The following TAF2 variants were observed in gnomAD, a reference collection of about 807,000 sequenced individuals.
TAF2 encodes TATA-box binding protein associated factor 2, also known as transcription initiation factor TFIID subunit 2.
In TAF2, 61 loss-of-function variants were observed where a neutral mutation model predicts 138.5. The ratio of observed to expected loss-of-function variants is 0.44; its 90% CI spans 0.36 to 0.54. The LOEUF (loss-of-function observed/expected upper bound fraction) is 0.54, where lower values mean the gene tolerates loss of function less well. Among genes scored for constraint, TAF2 ranks in the 20% least tolerant of loss-of-function variants. The pLI is 0.00. For missense variants in TAF2, 1,090 were observed against 1,427.9 expected (o/e 0.76, Z 3.81); for synonymous variants, 475 against 469.9 (o/e 1.01, Z -0.14).
chr8:119,733,451 A>G lies in TAF2; in HGVS notation c.3338-1265T>C, dbSNP rs1587631688. The stretch of plus-strand genomic sequence containing the variant: ...TAGGTTGTCCTGTTAGCCTTTAGCT[A>G]TACTTCATCTCTCTGGGTCTAGTTC... On this transcript the variant is annotated intron_variant, in intron 25 of 25. Transcript: ENST00000378164. Among the ~76,000 whole-genome samples, 3 of 152,296 alleles carry G rather than the reference A, an allele frequency of 2.0e-5. No homozygotes were observed. In the East Asian group the frequency reaches 5.8e-4, roughly 29 times the overall value.
chr8:119,768,943 T>C (rs1056722496), intron 18 of TAF2, among the ~76,000 whole-genome samples: 2 of 152,128 alleles, frequency 1.3e-5, no homozygotes, highest in African/African-American at 2.4e-5. Context: ...TGCATCTGCA[T>C]GGAGAGTTAT....
At chr8:119,770,151 A>AC (rs1171842080) in intron 18 of TAF2, among the ~76,000 whole-genome samples, 1 of 149,122 alleles carries the variant, frequency 6.7e-6, no homozygotes, top group Non-Finnish European at 1.5e-5. Context: ...CCTGGGGCAG[A>AC]AAAAAAAAAG....
chr8:119,747,233 T>C (rs546608486), intron 22 of TAF2, among the ~76,000 whole-genome samples: 53 of 152,348 alleles, frequency 3.5e-4, no homozygotes, highest in African/African-American at 1.2e-3. Context: ...ACAGCCTCCA[T>C]GAGCCTTTGC....
At chr8:119,813,235 G>C (rs1563917083) in intron 3 of TAF2, among the ~76,000 whole-genome samples, 2 of 152,110 alleles carry the variant, frequency 1.3e-5, no homozygotes, top group Admixed American at 1.3e-4. Flanking sequence ...TTGACTATTT[G>C]TATATCTTCT....
chr8:119,755,390 G>A (rs1310425161), intron 22 of TAF2, among the ~76,000 whole-genome samples: 3 of 152,032 alleles, frequency 2.0e-5, no homozygotes, highest in Non-Finnish European at 4.4e-5. Context: ...CCAGCTACTC[G>A]GGAGGGTAAG....
chr8:119,821,331 G>C (rs866656673), intron 2 of TAF2, among the ~76,000 whole-genome samples: 5 of 152,252 alleles, frequency 3.3e-5, no homozygotes, highest in Middle Eastern at 3.4e-3. Flanking sequence ...CCACTTCACA[G>C]ATAACCATTC....
Position 119,746,723 on chromosome 8 carries a change from T to A in TAF2, c.3090A>T (p.Leu1030=), listed in dbSNP as rs750942648. 1 of 1,614,040 alleles carries A rather than the reference T, an allele frequency of 6.2e-7. No individual in the cohort carries two copies. The highest frequency in any genetic ancestry group is 1.7e-5 in the Admixed American group (1 of 60,004). The change falls in exon 23 of 26, where the codon CTA becomes CTT. Residue 1030 remains leucine, a synonymous_variant. Coordinates refer to ENST00000378164, the MANE Select transcript of TAF2 (RefSeq NM_003184.4). ...TTCTTACAGGGTTCTGAAATCCAAC[T>A]AGCTGTGGGTGACTGCTTGGATTAT... ...AANNPSSHPQ[L]VGFQNPFSSS...
At chr8:119,757,964 A>G in intron 21 of TAF2, 109 bp downstream of exon 21, 1 of 895,416 alleles carries the variant, frequency 1.1e-6, no homozygotes, top group Admixed American at 1.9e-5. Context: ...TGCAAAAGAT[A>G]TTCCCATATT....
intron 20 of TAF2, among the ~76,000 whole-genome samples, 190 bp from the exon 21 acceptor site, chr8:119,758,332 A>C (rs1207139465): frequency 3.3e-5 from 5 of 152,160 alleles, no homozygotes; most frequent in African/African-American, 1.2e-4. Context: ...TATAAGTATC[A>C]AGCTATATAT....
intron 2 of TAF2, among the ~76,000 whole-genome samples, chr8:119,826,226 G>A (rs1201898207): frequency 6.6e-6 from 1 of 151,126 alleles, no homozygotes; most frequent in Non-Finnish European, 1.5e-5. Flanking sequence ...AAAACTGCAC[G>A]TTCTGCACAT....
At chr8:119,743,195 A>C (rs1431527801) in intron 24 of TAF2, among the ~76,000 whole-genome samples, 2 of 152,320 alleles carry the variant, frequency 1.3e-5, no homozygotes, top group East Asian at 3.9e-4. Flanking sequence ...TCATAAATGA[A>C]AATTAATGAA....
chr8:119,819,259 A>C, intron 3 of TAF2, 87 bp downstream of exon 3: 5 of 1,428,324 alleles, frequency 3.5e-6, no homozygotes, highest in Non-Finnish European at 4.8e-6. Flanking sequence ...ATCCAAAAAA[A>C]AAATACTTTG....
intron 3 of TAF2, among the ~76,000 whole-genome samples, chr8:119,812,718 G>GGTGTGTGTGTGTGTGT (rs201947539): frequency 1.4e-5 from 2 of 143,864 alleles, no homozygotes; most frequent in Admixed American, 1.4e-4. Context: ...AGTATTCCAT[G>GGTGTGTGTGTGTGTGT]GTGTGTGTGT....
At chr8:119,818,802 A>T (rs1474535061) in intron 3 of TAF2, among the ~76,000 whole-genome samples, 1 of 152,032 alleles carries the variant, frequency 6.6e-6, no homozygotes, top group Non-Finnish European at 1.5e-5. Context: ...TAGAAGTAGA[A>T]CATAAAACTG....
chr8:119,790,596 C>T (rs914327936), intron 11 of TAF2, among the ~76,000 whole-genome samples: 3 of 152,036 alleles, frequency 2.0e-5, no homozygotes, highest in Non-Finnish European at 2.9e-5. Flanking sequence ...ATTTGGTTTC[C>T]ACTCGCAACT....
chr8:119,748,774 T>A (rs1820151334), intron 22 of TAF2, among the ~76,000 whole-genome samples: 1 of 152,124 alleles, frequency 6.6e-6, no homozygotes, highest in Non-Finnish European at 1.5e-5. Context: ...TAGCAAAGGC[T>A]AGAGGGTCTC....
intron 2 of TAF2, among the ~76,000 whole-genome samples, chr8:119,830,493 A>G (rs909080525): frequency 6.6e-6 from 1 of 152,144 alleles, no homozygotes; most frequent in African/African-American, 2.4e-5. Context: ...TTTCCTACCC[A>G]ATTCATACAA....
chr8:119,765,516 T>C (rs537138486), intron 18 of TAF2, among the ~76,000 whole-genome samples: 13 of 152,072 alleles, frequency 8.5e-5, no homozygotes, highest in Admixed American at 2.6e-4. Context: ...AAAGGAAAAG[T>C]TACTGATGCA....
In TAF2 at chr8:119,788,394, C is replaced by T. The variant is rs1823175450; in HGVS notation, c.1737G>A (p.Leu579=). Residue 579 remains leucine (L), a synonymous_variant, in exon 14 of 26, where the codon CTG becomes CTA. Coordinates refer to ENST00000378164, the MANE Select transcript of TAF2 (RefSeq NM_003184.4). ...GTTTAAGGCTGTTTTCTTCAATTTG[C>T]AGTGTATGATTGAAGGATCCATCTA... ...QELDGSFNHT[L]QIEENSLKHD... is the part of the protein sequence containing the mutation. 1 of 1,613,170 alleles carries T rather than the reference C, an allele frequency of 6.2e-7. No homozygotes were observed. Among genetic ancestry groups the T allele is most frequent in the Non-Finnish European group, 8.5e-7 (1 of 1,179,826 alleles).
Sources: gnomAD v4.1 joint callset for allele counts (sites outside exome capture counted in the v4.1 genomes callset) on GRCh38, gnomAD v4.1.1 for gene constraint, MANE v1.5 for transcripts, NCBI Gene and HGNC (gene_info 2026-07-23, HGNC 2026-07-21) for gene names.